The following DOCK2 variants were observed in gnomAD, a reference collection of about 807,000 sequenced individuals.
DOCK2 encodes the protein dedicator of cytokinesis 2.
DOCK2 carries 87 observed loss-of-function variants against 248.9 expected under a neutral mutation model. The ratio of observed to expected loss-of-function variants is 0.35; its 90% confidence interval spans 0.29 to 0.42. The LOEUF is 0.42. DOCK2 is among the 10% of genes least tolerant of loss of function. The pLI is 1.00. For synonymous variants in DOCK2, 805 were observed against 821.6 expected (o/e 0.98, Z 0.35); for missense variants, 1,747 against 2,300.2 (o/e 0.76, Z 4.92).
chr5:169,702,200 C>T, intron 13 of DOCK2, 103 bp from the exon 14 acceptor site: 1 of 1,403,262 alleles, frequency 7.1e-7, no homozygotes, highest in Non-Finnish European at 9.7e-7. Context: ...TAATACCAAT[C>T]CAGGTGGGAG....
At chr5:169,742,655 C>A (rs1763379976) in intron 22 of DOCK2, among the ~76,000 whole-genome samples, 1 of 152,176 alleles carries the variant, frequency 6.6e-6, no homozygotes, top group African/African-American at 2.4e-5. Context: ...TGGTTAGATT[C>A]TGCTCCCCTG....
At chr5:169,685,777 G>A (rs1013694825) in intron 8 of DOCK2, among the ~76,000 whole-genome samples, 8 of 152,160 alleles carry the variant, frequency 5.3e-5, no homozygotes, top group Admixed American at 5.2e-4. Flanking sequence ...TAATCCTCAT[G>A]GTTCCGTGTC....
intron 29 of DOCK2, among the ~76,000 whole-genome samples, chr5:169,995,292 G>A (rs1353632187): frequency 1.3e-5 from 2 of 152,164 alleles, no homozygotes; most frequent in African/African-American, 4.8e-5. Flanking sequence ...GCCTCCCAAA[G>A]TGCTGAGATT....
At chr5:169,769,924 A>T (rs996388728) in intron 25 of DOCK2, among the ~76,000 whole-genome samples, 1 of 152,106 alleles carries the variant, frequency 6.6e-6, no homozygotes, top group Non-Finnish European at 1.5e-5. Context: ...GTTTTGTTTT[A>T]TTTACGTTCC....
Position 169,879,540 on chromosome 5 carries a change from A to G in DOCK2, c.2799+38688A>G, listed in dbSNP as rs371579184. ...TGGTAATGAGGGATATATGCATACAATTGCTGTTCTTCTGGAAAGGATGGT... is the reference window on the plus strand; with the variant it reads ...TGGTAATGAGGGATATATGCATACAGTTGCTGTTCTTCTGGAAAGGATGGT... On this transcript the variant is annotated intron_variant, in intron 27 of 51. Transcript: ENST00000520908. Among the ~76,000 whole-genome samples, 9 of 152,290 alleles carry G rather than the reference A, an allele frequency of 5.9e-5. No homozygotes were observed. The South Asian group carries it at 1.9e-3, about 32-fold the overall frequency.
intron 26 of DOCK2, among the ~76,000 whole-genome samples, chr5:169,811,417 A>T (rs940056623): frequency 2.6e-5 from 4 of 152,206 alleles, no homozygotes; most frequent in Admixed American, 1.3e-4. Context: ...CATATTTGAA[A>T]TAAAAGGCAG....
chr5:169,967,353 T>C (rs191956801), intron 27 of DOCK2, among the ~76,000 whole-genome samples: 1 of 152,292 alleles, frequency 6.6e-6, no homozygotes. Context: ...GATACATGTG[T>C]TGGCTCAGAT....
chr5:169,719,214 G>C (rs181193349), intron 22 of DOCK2, among the ~76,000 whole-genome samples: 62 of 152,286 alleles, frequency 4.1e-4, no homozygotes, highest in South Asian at 3.3e-3. Context: ...CAGTTGACCT[G>C]TCTGTCCTTG....
At chr5:169,641,483 T>C (rs1009568255) in intron 1 of DOCK2, among the ~76,000 whole-genome samples, 14 of 152,228 alleles carry the variant, frequency 9.2e-5, no homozygotes, top group Admixed American at 8.5e-4. Context: ...CATTTGCACA[T>C]GGATTTTTGT....
chr5:169,689,145 C>T, intron 8 of DOCK2, 107 bp from the exon 9 acceptor site: 1 of 1,020,296 alleles, frequency 9.8e-7, no homozygotes, highest in Non-Finnish European at 1.5e-6. Flanking sequence ...TGCATACCCC[C>T]AGCAGCCAGT....
At chr5:169,810,395 T>C (rs1480704707) in intron 26 of DOCK2, among the ~76,000 whole-genome samples, 5 of 152,230 alleles carry the variant, frequency 3.3e-5, no homozygotes, top group Non-Finnish European at 5.9e-5. Context: ...TAAAACAAAA[T>C]TGTATCAAAT....
At chr5:169,894,062 C>A (rs1470130851) in intron 27 of DOCK2, among the ~76,000 whole-genome samples, 2 of 152,166 alleles carry the variant, frequency 1.3e-5, no homozygotes, top group East Asian at 3.9e-4. Context: ...AGTCGTTGTA[C>A]TAAAAACGAC....
intron 27 of DOCK2, among the ~76,000 whole-genome samples, chr5:169,965,457 G>C (rs1010758688): frequency 5.3e-5 from 8 of 152,186 alleles, no homozygotes; most frequent in African/African-American, 1.9e-4. Context: ...TAAATAGCTT[G>C]CTGAAGATCA....
At chr5:169,843,298 C>G (rs1299070452) in intron 27 of DOCK2, among the ~76,000 whole-genome samples, 1 of 143,010 alleles carries the variant, frequency 7.0e-6, no homozygotes, top group Non-Finnish European at 1.6e-5. Flanking sequence ...TCACCAAGCT[C>G]TCTTTACCTT....
At chr5:169,770,808 A>G (rs1308271061) in intron 25 of DOCK2, among the ~76,000 whole-genome samples, 1 of 152,212 alleles carries the variant, frequency 6.6e-6, no homozygotes, top group Non-Finnish European at 1.5e-5. Flanking sequence ...TGATGACGGT[A>G]GGAAATTCCA....
At chr5:169,789,318 G>A (rs958282852) in intron 25 of DOCK2, among the ~76,000 whole-genome samples, 5 of 152,178 alleles carry the variant, frequency 3.3e-5, no homozygotes, top group South Asian at 2.1e-4. Context: ...ATGAATGTAC[G>A]TGTGCATGTG....
chr5:169,789,254 A>G (rs1000745040), intron 25 of DOCK2, among the ~76,000 whole-genome samples: 1 of 152,140 alleles, frequency 6.6e-6, no homozygotes, highest in African/African-American at 2.4e-5. Context: ...CCAGTCTTTT[A>G]TTAATAGGCA....
chr5:170,010,578 G>A (rs931415007), intron 32 of DOCK2, among the ~76,000 whole-genome samples: 10 of 152,184 alleles, frequency 6.6e-5, no homozygotes, highest in Non-Finnish European at 1.3e-4. Flanking sequence ...CAATCCCAAC[G>A]TTGTCATACC....
chr5:170,052,265 A>C (rs144019854), intron 41 of DOCK2, among the ~76,000 whole-genome samples: 178 of 152,316 alleles, frequency 1.2e-3, no homozygotes, highest in African/African-American at 4.0e-3. Flanking sequence ...TTGCAGGATC[A>C]AATGCAACTG....
Sources: allele counts gnomAD v4.1 joint callset (sites outside exome capture counted in the v4.1 genomes callset), GRCh38; gene constraint gnomAD v4.1.1; transcripts MANE v1.5; gene names NCBI Gene and HGNC (gene_info 2026-07-23, HGNC 2026-07-21).